MYT1L: variants seen among roughly 807,000 people sequenced by gnomAD.
MYT1L encodes the protein myelin transcription factor 1 like, also known as myelin transcription factor 1-like protein.
A neutral mutation model predicts 126.7 loss-of-function variants in MYT1L; 12 were observed. The observed-to-expected ratio is 0.09, with a 90% confidence interval of 0.06 to 0.15. The LOEUF (loss-of-function observed/expected upper bound fraction) is 0.15, where lower values mean the gene tolerates loss of function less well. Among genes scored for constraint, MYT1L ranks in the 10% least tolerant of loss-of-function variants. The pLI is 1.00. For missense variants in MYT1L, 979 were observed against 1,585.2 expected, an observed-to-expected ratio of 0.62 and a Z score of 6.49; for synonymous variants, 541 against 604.2, an observed-to-expected ratio of 0.90 and a Z score of 1.53.
At chr2:2,209,068 T>C (rs575353352) in intron 2 of MYT1L, among the ~76,000 whole-genome samples, 32 of 152,214 alleles carry the variant, frequency 2.1e-4, no homozygotes, top group Middle Eastern at 3.4e-3. Flanking sequence ...ATTCTGCCAG[T>C]TTTTAAAATT....
At chr2:1,978,894 A>G (rs1357090512) in intron 8 of MYT1L, among the ~76,000 whole-genome samples, 1 of 152,166 alleles carries the variant, frequency 6.6e-6, no homozygotes, top group Non-Finnish European at 1.5e-5. Flanking sequence ...TGTGCTGAGC[A>G]CCACATATGC....
chr2:1,895,039 C>T (rs1479154531), intron 14 of MYT1L, among the ~76,000 whole-genome samples: 1 of 152,164 alleles, frequency 6.6e-6, no homozygotes, highest in Non-Finnish European at 1.5e-5. Flanking sequence ...GAAAATGCTA[C>T]CCCAGCATCT....
chr2:2,255,457 G>A (rs747686605), intron 2 of MYT1L, among the ~76,000 whole-genome samples: 9 of 152,108 alleles, frequency 5.9e-5, no homozygotes, highest in Admixed American at 4.6e-4. Flanking sequence ...CAGAGCAGCT[G>A]CAAACCCACC....
intron 3 of MYT1L, among the ~76,000 whole-genome samples, chr2:2,169,327 C>G (rs2089649634): frequency 6.6e-6 from 1 of 152,192 alleles, no homozygotes; most frequent in South Asian, 2.1e-4. Flanking sequence ...TTGGCTTTTT[C>G]TGTAATAATG....
chr2:2,156,780 C>T (rs1270115472), intron 3 of MYT1L, among the ~76,000 whole-genome samples: 3 of 152,174 alleles, frequency 2.0e-5, no homozygotes, highest in African/African-American at 7.2e-5. Context: ...GAGGGTCCCT[C>T]CCAGTGCTGA....
At chr2:2,189,152 C>A (rs935649370) in intron 2 of MYT1L, among the ~76,000 whole-genome samples, 1 of 152,214 alleles carries the variant, frequency 6.6e-6, no homozygotes, top group Non-Finnish European at 1.5e-5. Context: ...TATATAAGAG[C>A]TTCTGATTGC....
intron 21 of MYT1L, among the ~76,000 whole-genome samples, chr2:1,809,466 C>T (rs2036242350): frequency 6.6e-6 from 1 of 152,114 alleles, no homozygotes; most frequent in South Asian, 2.1e-4. Flanking sequence ...ATCTGCCCTT[C>T]ATTGTATAAC....
At position 1,789,345 on chromosome 2, in the gene MYT1L, C is replaced by T. The variant is rs772911055; in HGVS notation, c.*2522G>A. 1 of 151,984 alleles carries T rather than the reference C, an allele frequency of 6.6e-6. No homozygotes were observed. Among genetic ancestry groups the T allele is most frequent in the African/African-American group, 2.4e-5 (1 of 41,384 alleles). 9.4% of individuals were successfully genotyped at this position (151,984 alleles called of 1,614,324 possible). A position where few individuals can be genotyped will look rare whatever the true frequency, so the allele number is the denominator to read the frequency against. On this transcript the variant is annotated 3_prime_UTR_variant, in exon 25 of 25. Transcript: ENST00000647738. ...CAGAGAGCACAATAAATAGTTTATA[C>T]AAAATTCTGTCTTAATAAATGATTA...
rs2054697797 is a variant in MYT1L, at chr2:1,929,700, A to G, written c.506-6437T>C. On this transcript the variant is annotated intron_variant, in intron 9 of 24. Coordinates refer to ENST00000647738, the MANE Select transcript of MYT1L (RefSeq NM_001303052.2). This position sits in a 1 kb window ranked among gnomAD's most constrained non-coding sequence, Gnocchi z 4.7. ...ATCTTGAGTATAGATTAGCACAGAC[A>G]TTTTCTCCAGTGCCGGCCATTGCCA... 6.6e-6 allele frequency among the ~76,000 whole-genome samples: 1 copy of G among 152,146 alleles called. No homozygotes were observed. The highest frequency in any genetic ancestry group is 1.5e-5 in the Non-Finnish European group (1 of 68,036).
chr2:2,014,992 G>A (rs1230759636), intron 4 of MYT1L, among the ~76,000 whole-genome samples: 1 of 152,192 alleles, frequency 6.6e-6, no homozygotes, highest in East Asian at 1.9e-4. Context: ...GGATTTCTTG[G>A]AGTGACACAG....
At chr2:2,181,426 CAG>C (rs1474657557) in intron 2 of MYT1L, among the ~76,000 whole-genome samples, 1 of 152,152 alleles carries the variant, frequency 6.6e-6, no homozygotes, top group Non-Finnish European at 1.5e-5. Context: ...CCTCAATTTT[CAG>C]AGAGTCCTTG....
rs1298268725 is a variant in MYT1L, at chr2:1,979,461, T to C, written c.89+60A>G. 4.0e-6 allele frequency: 6 copies of C among 1,513,514 alleles called. No individual in the cohort carries two copies. The East Asian group carries it at 6.8e-5, about 17-fold the overall frequency. 93.8% of individuals were successfully genotyped at this position (1,513,514 alleles called of 1,614,324 possible). A position where few individuals can be genotyped will look rare whatever the true frequency, so the allele number is the denominator to read the frequency against. On this transcript the variant is annotated intron_variant, in intron 7 of 24. Coordinates refer to ENST00000647738, the MANE Select transcript of MYT1L (RefSeq NM_001303052.2). This position sits in a 1 kb window ranked among gnomAD's most constrained non-coding sequence, Gnocchi z 4.0. The stretch of plus-strand genomic sequence containing the variant: ...GAGCTGGAAGGTGCAGTGTGCCCAT[T>C]AGAAGGCGTGAATTTTCCAAACTGT...
chr2:2,100,858 C>T (rs1235866518), intron 3 of MYT1L, among the ~76,000 whole-genome samples: 2 of 152,096 alleles, frequency 1.3e-5, no homozygotes, highest in South Asian at 4.1e-4. Context: ...GAAACTAAGA[C>T]TGGATTTAAT....
intron 3 of MYT1L, among the ~76,000 whole-genome samples, chr2:2,064,904 A>G (rs2071021725): frequency 6.6e-6 from 1 of 152,224 alleles, no homozygotes; most frequent in South Asian, 2.1e-4. Flanking sequence ...TTAAGAAATG[A>G]GTGTATGACC....
intron 8 of MYT1L, among the ~76,000 whole-genome samples, chr2:1,970,751 G>T (rs1353889080): frequency 6.6e-6 from 1 of 152,234 alleles, no homozygotes; most frequent in Non-Finnish European, 1.5e-5. Context: ...GGTGAGAACT[G>T]AACTGTGGTG....
In MYT1L at chr2:1,822,606, C is replaced by T. The variant is rs183735336; in HGVS notation, c.3081-13439G>A. ...AGTGTGGCCTACAGCCTGTGTCCTT[C>T]GAGAGGGTCCCCTTCCTTCCTCCAG... is the stretch of plus-strand genomic sequence containing the variant. On this transcript the variant is annotated intron_variant, in intron 21 of 24. Coordinates refer to ENST00000647738, the MANE Select transcript of MYT1L (RefSeq NM_001303052.2). 1.9e-3 allele frequency among the ~76,000 whole-genome samples: 297 copies of T among 152,322 alleles called. 1 individual carries two copies. The highest frequency in any genetic ancestry group is 6.7e-3 in the African/African-American group (278 of 41,574).
At chr2:2,250,216 C>T (rs921728259) in intron 2 of MYT1L, among the ~76,000 whole-genome samples, 2 of 152,106 alleles carry the variant, frequency 1.3e-5, no homozygotes, top group African/African-American at 4.8e-5. Flanking sequence ...TCTCTGCACT[C>T]CCATGTTTGC....
intron 5 of MYT1L, among the ~76,000 whole-genome samples, chr2:1,995,644 A>C (rs1158605254): frequency 6.6e-6 from 1 of 152,128 alleles, no homozygotes; most frequent in Non-Finnish European, 1.5e-5. Context: ...GTAGTGGTTG[A>C]GCATGAGAGA....
intron 3 of MYT1L, among the ~76,000 whole-genome samples, chr2:2,156,165 C>G (rs554842365): frequency 6.6e-6 from 1 of 152,246 alleles, no homozygotes; most frequent in South Asian, 2.1e-4. Context: ...GTAAAAATAA[C>G]CTAAAATTTG....
Sources: allele counts gnomAD v4.1 joint callset (sites outside exome capture counted in the v4.1 genomes callset), GRCh38; gene constraint gnomAD v4.1.1; non-coding constraint Gnocchi (gnomAD v3.1); transcripts MANE v1.5; gene names NCBI Gene and HGNC (gene_info 2026-07-23, HGNC 2026-07-21).